MED13L: variants seen among roughly 807,000 people sequenced by gnomAD.
MED13L encodes the protein mediator of RNA polymerase II transcription subunit 13-like.
Under a neutral mutation model 220.9 loss-of-function variants are expected in MED13L, and 7 were observed. That is an observed-to-expected ratio of 0.03 (90% CI 0.02 to 0.06). The LOEUF (loss-of-function observed/expected upper bound fraction) is 0.06. MED13L is among the 10% of genes least tolerant of loss of function. The pLI is 1.00. For missense variants in MED13L, 1,965 were observed against 2,760.5 expected (o/e 0.71, Z 6.46); for synonymous variants, 1,011 against 1,015.2 (o/e 1.00, Z 0.08).
chr12:115,998,831 T>C (rs764375306), intron 14 of MED13L, among the ~76,000 whole-genome samples: 1 of 152,184 alleles, frequency 6.6e-6, no homozygotes, highest in African/African-American at 2.4e-5. Flanking sequence ...CTGCTACTTA[T>C]TTTCTATAAT....
chr12:116,057,017 T>C (rs925571761), intron 4 of MED13L, among the ~76,000 whole-genome samples: 1 of 152,222 alleles, frequency 6.6e-6, no homozygotes, highest in African/African-American at 2.4e-5. Context: ...AGATCCTAAA[T>C]CATTCTGGTA....
chr12:116,123,934 A>G (rs1875314808), intron 2 of MED13L, among the ~76,000 whole-genome samples: 1 of 152,154 alleles, frequency 6.6e-6, no homozygotes, highest in Non-Finnish European at 1.5e-5. Flanking sequence ...TCAGGCTGAG[A>G]CTAATGCATT....
intron 4 of MED13L, among the ~76,000 whole-genome samples, chr12:116,047,151 A>G (rs1254094261): frequency 1.3e-5 from 2 of 152,138 alleles, no homozygotes; most frequent in Non-Finnish European, 2.9e-5. Context: ...GGCATTTGAG[A>G]CCAGACTGAG....
intron 25 of MED13L, among the ~76,000 whole-genome samples, chr12:115,973,175 T>A (rs1050845013): frequency 1.3e-5 from 2 of 152,200 alleles, no homozygotes; most frequent in Non-Finnish European, 2.9e-5. Context: ...TTTAAAACTA[T>A]GGGAAATCAC....
chr12:116,157,694 C>A (rs1303766486), intron 2 of MED13L, among the ~76,000 whole-genome samples: 1 of 152,238 alleles, frequency 6.6e-6, no homozygotes, highest in Admixed American at 6.5e-5. Context: ...CACCAGCATT[C>A]TCCCACAATA....
At chr12:115,977,969 C>T (rs1877053262) in intron 23 of MED13L, among the ~76,000 whole-genome samples, 1 of 152,084 alleles carries the variant, frequency 6.6e-6, no homozygotes. Flanking sequence ...GCACACCACC[C>T]TGGGTGACAG....
intron 2 of MED13L, among the ~76,000 whole-genome samples, chr12:116,151,977 C>T (rs970656219): frequency 2.0e-5 from 3 of 152,174 alleles, no homozygotes; most frequent in Non-Finnish European, 2.9e-5. Context: ...CCCTCAAATA[C>T]AACCTCTTCC....
intron 1 of MED13L, among the ~76,000 whole-genome samples, chr12:116,238,832 C>A (rs1870340065): frequency 6.6e-6 from 1 of 152,162 alleles, no homozygotes; most frequent in South Asian, 2.1e-4. Flanking sequence ...CACGGTGGTT[C>A]ACGCCTGTAA....
chr12:116,186,003 TTTTC>T, intron 2 of MED13L, among the ~76,000 whole-genome samples: 1 of 152,298 alleles, frequency 6.6e-6, no homozygotes, highest in Admixed American at 6.5e-5. Flanking sequence ...CATCATATGC[TTTTC>T]TTTCTCTATG....
chr12:116,175,977 T>C (rs1880032785), intron 2 of MED13L, among the ~76,000 whole-genome samples: 1 of 151,964 alleles, frequency 6.6e-6, no homozygotes, highest in Admixed American at 6.6e-5. Flanking sequence ...AAGAAAACAG[T>C]CTGGCTAGAG....
At chr12:116,003,137 G>A (rs753549893) in intron 13 of MED13L, 35 bp from the exon 14 acceptor site, 52 of 1,552,900 alleles carry the variant, frequency 3.3e-5, no homozygotes, top group Admixed American at 5.0e-5. Context: ...ACAGAGTGAC[G>A]TGTATATAAG....
intron 1 of MED13L, among the ~76,000 whole-genome samples, chr12:116,270,666 T>G (rs1374149664): frequency 6.6e-6 from 1 of 152,182 alleles, no homozygotes; most frequent in African/African-American, 2.4e-5. Flanking sequence ...ATCTCCCCTA[T>G]GTAATGAAGT....
intron 4 of MED13L, among the ~76,000 whole-genome samples, chr12:116,080,657 G>GT (rs1565867159): frequency 1.3e-5 from 2 of 152,154 alleles, no homozygotes; most frequent in African/African-American, 4.8e-5. Flanking sequence ...TTTGTGAAAC[G>GT]TTTTTTCCGT....
At chr12:115,982,689 A>G in intron 21 of MED13L, 86 bp from the exon 22 acceptor site, 1 of 1,129,048 alleles carries the variant, frequency 8.9e-7, no homozygotes, top group Non-Finnish European at 1.3e-6. Context: ...TCTAGAGCAC[A>G]CAGGCTCCCT....
intron 2 of MED13L, among the ~76,000 whole-genome samples, chr12:116,116,962 T>G (rs1024571844): frequency 6.6e-6 from 1 of 150,978 alleles, no homozygotes; most frequent in South Asian, 2.1e-4. Context: ...AAACGAACTC[T>G]TTTTCTCCTA....
chr12:116,183,143 C>A (rs182840702), intron 2 of MED13L, among the ~76,000 whole-genome samples: 19 of 152,140 alleles, frequency 1.2e-4, no homozygotes, highest in African/African-American at 4.6e-4. Flanking sequence ...AATTTGAAAA[C>A]AACGGGAGTC....
chr12:116,034,917 A>G (rs1483960229), intron 4 of MED13L, among the ~76,000 whole-genome samples: 2 of 152,180 alleles, frequency 1.3e-5, no homozygotes, highest in African/African-American at 2.4e-5. Flanking sequence ...AGGCAGAAGA[A>G]TCACTTGAAC....
chr12:116,058,578 C>G (rs1272619984), intron 4 of MED13L, among the ~76,000 whole-genome samples: 1 of 152,134 alleles, frequency 6.6e-6, no homozygotes, highest in Non-Finnish European at 1.5e-5. Flanking sequence ...TGACCTTAAC[C>G]ATTTATATGA....
chr12:115,988,797 C>G (rs958797008), intron 17 of MED13L, among the ~76,000 whole-genome samples: 1 of 152,256 alleles, frequency 6.6e-6, no homozygotes. Context: ...TCCTGAAAGA[C>G]GACACCACTG....
Sources: allele counts gnomAD v4.1 joint callset (sites outside exome capture counted in the v4.1 genomes callset), GRCh38; gene constraint gnomAD v4.1.1; transcripts MANE v1.5; gene names NCBI Gene and HGNC (gene_info 2026-07-23, HGNC 2026-07-21).